Variants in TEK observed in about 807,000 individuals in gnomAD.
TEK encodes TEK receptor tyrosine kinase.
TEK carries 43 observed loss-of-function variants against 131.8 expected under a neutral mutation model. The observed-to-expected ratio is 0.33, with a 90% CI of 0.26 to 0.42. The LOEUF is 0.42. Ranked by LOEUF, TEK falls within the 10% of genes least tolerant of loss-of-function variation. The probability of loss-of-function intolerance (pLI) is 1.00; values close to 1 mark genes in which losing one functional copy is unlikely to be tolerated. For missense variants in TEK, 1,162 were observed against 1,384.4 expected (o/e 0.84, Z 2.55); for synonymous variants, 580 against 491.6 (o/e 1.18, Z -2.38).
At position 27,197,506 on chromosome 9, in the gene TEK, C is replaced by T. The variant is rs771538956; in HGVS notation, c.1816C>T (p.His606Tyr). Residue 606 changes from histidine to tyrosine, a missense_variant, in exon 12 of 23, where the codon CAT becomes TAT. This residue lies in a region of TEK where 477 missense variants were observed against 471.0 expected (regional missense o/e 1.01). Coordinates refer to ENST00000380036, the MANE Select transcript of TEK (RefSeq NM_000459.5). ...NLTSVLLNNLHPREQYVVRAR... is the reference protein window; with the variant it reads ...NLTSVLLNNLYPREQYVVRAR... Reference sequence around the variant, plus strand: ...GACTTCGGTGCTACTTAACAACTTACATCCCAGGGAGCAGTACGTGGTCCG... The same window carrying T: ...GACTTCGGTGCTACTTAACAACTTATATCCCAGGGAGCAGTACGTGGTCCG... 11 of 1,613,964 alleles carry T rather than the reference C, an allele frequency of 6.8e-6. No individual in the cohort carries two copies. Among genetic ancestry groups the T allele is most frequent in the East Asian group, 6.7e-5 (3 of 44,872 alleles).
At chr9:27,128,098 T>C (rs978357529) in intron 1 of TEK, among the ~76,000 whole-genome samples, 2 of 152,232 alleles carry the variant, frequency 1.3e-5, no homozygotes, top group Admixed American at 1.3e-4. Context: ...TCTAGGGTTT[T>C]TATGGTTTTA....
chr9:27,136,929 A>G (rs532629845), intron 1 of TEK, among the ~76,000 whole-genome samples: 29 of 152,260 alleles, frequency 1.9e-4, no homozygotes, highest in African/African-American at 6.7e-4. Flanking sequence ...TTATTTATTT[A>G]TTTTTGAAAT....
intron 1 of TEK, among the ~76,000 whole-genome samples, chr9:27,128,571 A>G (rs1822086130): frequency 6.6e-6 from 1 of 152,148 alleles, no homozygotes; most frequent in Non-Finnish European, 1.5e-5. Context: ...TTGGGGCAGT[A>G]TGGCCATTTT....
chr9:27,175,528 G>T (rs2131155136), intron 6 of TEK, among the ~76,000 whole-genome samples: 1 of 152,186 alleles, frequency 6.6e-6, no homozygotes, highest in Non-Finnish European at 1.5e-5. Context: ...GGGTAAAATG[G>T]TATTTCTAGT....
At chr9:27,222,117 A>T (rs765651048) in intron 21 of TEK, among the ~76,000 whole-genome samples, 10 of 152,352 alleles carry the variant, frequency 6.6e-5, no homozygotes, top group Non-Finnish European at 1.2e-4. Context: ...AGCTGAATGG[A>T]TCAAGTGGAA....
At chr9:27,137,169 C>G (rs906639461) in intron 1 of TEK, among the ~76,000 whole-genome samples, 1 of 152,144 alleles carries the variant, frequency 6.6e-6, no homozygotes, top group Non-Finnish European at 1.5e-5. Flanking sequence ...CCACCCGCCT[C>G]GGCCTCCCAA....
At chr9:27,113,374 A>G (rs1821422309) in intron 1 of TEK, among the ~76,000 whole-genome samples, 2 of 152,144 alleles carry the variant, frequency 1.3e-5, no homozygotes, top group South Asian at 4.1e-4. Flanking sequence ...GTGGATCATG[A>G]GGTCAAGAGA....
Position 27,229,487 on chromosome 9 carries a change from AT to A in TEK, c.*262del. 2 of 507,446 alleles carry A rather than the reference AT, an allele frequency of 3.9e-6. No homozygotes were observed. The highest frequency in any genetic ancestry group is 3.5e-6 in the Non-Finnish European group (1 of 281,748). The allele number at this position is 507,446 out of a possible 1,614,324, so 31.4% of individuals were successfully genotyped here. On this transcript the variant is annotated 3_prime_UTR_variant, in exon 23 of 23. Transcript: ENST00000380036. The stretch of plus-strand genomic sequence containing the variant: ...TTTGTGGTTTCATATGCAATAATAT[AT>A]TTTTTTAAAAATGTGGACTTCATAG...
Position 27,157,966 on chromosome 9 carries a change from C to A in TEK, c.188C>A (p.Ala63Asp), listed in dbSNP as rs369048700. 6.8e-6 allele frequency: 11 copies of A among 1,613,890 alleles called. No individual in the cohort carries two copies. The highest frequency in any genetic ancestry group is 9.3e-6 in the Non-Finnish European group (11 of 1,179,984). ...ATCACCATAGGAAGGGACTTTGAAG[C>A]CTTAATGAACCAGCACCAGGATCCG... is the stretch of plus-strand genomic sequence containing the variant. ...EPITIGRDFE[A>D]LMNQHQDPLE... Residue 63 changes from alanine (A) to aspartate (D), a missense_variant, in exon 2 of 23, where the codon GCC becomes GAC. By Grantham distance (126) the Ala-to-Asp change is moderately radical (BLOSUM62 -2). This residue lies in a region of TEK where 436 missense variants were observed against 539.1 expected (regional missense o/e 0.81). Coordinates refer to ENST00000380036, the MANE Select transcript of TEK (RefSeq NM_000459.5).
chr9:27,143,122 A>G (rs1822789078), intron 1 of TEK, among the ~76,000 whole-genome samples: 1 of 152,118 alleles, frequency 6.6e-6, no homozygotes, highest in South Asian at 2.1e-4. Context: ...TTCTTTATCA[A>G]CCCACAGGAA....
At chr9:27,208,532 A>G (rs1378653188) in intron 15 of TEK, among the ~76,000 whole-genome samples, 2 of 152,226 alleles carry the variant, frequency 1.3e-5, no homozygotes, top group Non-Finnish European at 2.9e-5. Context: ...TTCCCATGCA[A>G]CTTCCATAAG....
rs1313458164 is a variant in TEK at position 27,166,671 on chromosome 9, A to G, written c.365-1824A>G. ...TAGCTTTATTTAGTATTAGTTTGCT[A>G]TATATTTTTATATCCCTTTATTCAC... On this transcript the variant is annotated intron_variant, in intron 2 of 22. Coordinates refer to ENST00000380036, the MANE Select transcript of TEK (RefSeq NM_000459.5). 2.6e-5 allele frequency among the ~76,000 whole-genome samples: 4 copies of G among 152,290 alleles called. No homozygotes were observed. In the East Asian group the frequency reaches 7.7e-4, roughly 29 times the overall value.
At chr9:27,196,502 C>T (rs1160873493) in intron 11 of TEK, among the ~76,000 whole-genome samples, 1 of 152,162 alleles carries the variant, frequency 6.6e-6, no homozygotes, top group African/African-American at 2.4e-5. Flanking sequence ...ATTGACTCCA[C>T]CCTTGTATTA....
At chr9:27,184,486 A>C (rs1468505394) in intron 8 of TEK, among the ~76,000 whole-genome samples, 4 of 152,158 alleles carry the variant, frequency 2.6e-5, no homozygotes, top group Non-Finnish European at 5.9e-5. Flanking sequence ...AGGGAGGAAT[A>C]TGTAGAATGT....
chr9:27,219,707 A>C (rs1825977707), intron 20 of TEK, among the ~76,000 whole-genome samples: 1 of 151,928 alleles, frequency 6.6e-6, no homozygotes, highest in African/African-American at 2.4e-5. Flanking sequence ...ATGAGTTATA[A>C]AACTATGGAC....
intron 11 of TEK, among the ~76,000 whole-genome samples, chr9:27,195,330 A>G (rs534116067): frequency 1.3e-5 from 2 of 152,244 alleles, no homozygotes; most frequent in South Asian, 4.2e-4. Flanking sequence ...CAAGAGTAAG[A>G]GCAGTGTTTC....
chr9:27,180,438 C>A, intron 7 of TEK, 70 bp downstream of exon 7: 2 of 1,563,180 alleles, frequency 1.3e-6, no homozygotes, highest in South Asian at 2.3e-5. Flanking sequence ...TAGTGTAATT[C>A]TTGTGCCGGC....
intron 9 of TEK, among the ~76,000 whole-genome samples, chr9:27,187,169 T>C (rs555492637): frequency 8.5e-4 from 130 of 152,194 alleles, no homozygotes; most frequent in Non-Finnish European, 1.5e-3. Flanking sequence ...TTTTAGTTTG[T>C]AGTGAAAGAC....
At chr9:27,162,566 T>G (rs1259233576) in intron 2 of TEK, among the ~76,000 whole-genome samples, 2 of 152,180 alleles carry the variant, frequency 1.3e-5, no homozygotes, top group Non-Finnish European at 2.9e-5. Flanking sequence ...AGCTTTATAT[T>G]AAGAATATCA....
Sources: allele counts gnomAD v4.1 joint callset (sites outside exome capture counted in the v4.1 genomes callset), GRCh38; gene constraint gnomAD v4.1.1; regional missense constraint gnomAD v4.1.1; transcripts MANE v1.5; gene names NCBI Gene and HGNC (gene_info 2026-07-23, HGNC 2026-07-21).